Variants in PLCB1 observed in about 807,000 individuals in gnomAD.
The protein encoded by PLCB1 is 1-phosphatidylinositol 4,5-bisphosphate phosphodiesterase beta-1.
A neutral mutation model predicts 161.8 loss-of-function variants in PLCB1; 46 were observed. The observed-to-expected ratio is 0.28, with a 90% CI of 0.22 to 0.36. PLCB1 has a LOEUF of 0.36. Among genes scored for constraint, PLCB1 ranks in the 10% least tolerant of loss-of-function variants. The pLI is 1.00. For synonymous variants in PLCB1, 517 were observed against 503.7 expected, an observed-to-expected ratio of 1.03 and a Z score of -0.35; for missense variants, 1,016 against 1,472.5, an observed-to-expected ratio of 0.69 and a Z score of 5.07.
At chr20:8,292,649 A>T (rs1289821504) in intron 2 of PLCB1, among the ~76,000 whole-genome samples, 4 of 152,130 alleles carry the variant, frequency 2.6e-5, no homozygotes, top group African/African-American at 4.8e-5. Flanking sequence ...AAATTTAAAG[A>T]ATCGGTTATG....
At chr20:8,163,380 C>T (rs972866628) in intron 2 of PLCB1, among the ~76,000 whole-genome samples, 2 of 152,128 alleles carry the variant, frequency 1.3e-5, no homozygotes, top group Non-Finnish European at 2.9e-5. Context: ...GCTTCCAGGC[C>T]AGTGGGCCCT....
chr20:8,355,699 C>T (rs75889261), intron 2 of PLCB1, among the ~76,000 whole-genome samples: 2 of 152,206 alleles, frequency 1.3e-5, no homozygotes, highest in African/African-American at 4.8e-5. Context: ...TGTGCGAGCC[C>T]AGTATTGCTG....
At chr20:8,216,465 T>C (rs568189081) in intron 2 of PLCB1, among the ~76,000 whole-genome samples, 1 of 152,264 alleles carries the variant, frequency 6.6e-6, no homozygotes, top group East Asian at 1.9e-4. Context: ...ATGTGTTGTG[T>C]TCTGTTTTGG....
chr20:8,680,017 A>G (rs1044558084), intron 9 of PLCB1, among the ~76,000 whole-genome samples: 9 of 152,194 alleles, frequency 5.9e-5, no homozygotes, highest in Non-Finnish European at 1.2e-4. Flanking sequence ...TACTCATCCT[A>G]TAATTAAGGA....
chr20:8,737,253 AAAT>A, intron 20 of PLCB1, 61 bp downstream of exon 20: 1 of 1,245,952 alleles, frequency 8.0e-7, no homozygotes, highest in Non-Finnish European at 1.1e-6. Context: ...TACACTGAGA[AAAT>A]AATGAAATGG....
At chr20:8,607,877 T>G (rs1247728781) in intron 3 of PLCB1, among the ~76,000 whole-genome samples, 1 of 152,210 alleles carries the variant, frequency 6.6e-6, no homozygotes, top group Non-Finnish European at 1.5e-5. Context: ...ATTAGAATTT[T>G]TAAAAGTTAG....
At chr20:8,177,410 C>T (rs1048552676) in intron 2 of PLCB1, among the ~76,000 whole-genome samples, 3 of 152,194 alleles carry the variant, frequency 2.0e-5, no homozygotes, top group South Asian at 2.1e-4. Context: ...AGTCTAAGTA[C>T]GGCATTTTGT....
At chr20:8,729,726 C>A (rs1165607197) in intron 18 of PLCB1, 1 of 151,908 alleles carries the variant, frequency 6.6e-6, no homozygotes, top group East Asian at 1.9e-4. Context: ...AAACTTATTT[C>A]TATTCCCTAA....
At chr20:8,282,118 T>A (rs1025509528) in intron 2 of PLCB1, among the ~76,000 whole-genome samples, 2 of 152,208 alleles carry the variant, frequency 1.3e-5, no homozygotes, top group Non-Finnish European at 2.9e-5. Context: ...AGTATTACCA[T>A]GTACTATATG....
intron 2 of PLCB1, among the ~76,000 whole-genome samples, chr20:8,336,775 A>G (rs760449034): frequency 1.3e-5 from 2 of 152,284 alleles, no homozygotes; most frequent in Admixed American, 6.5e-5. Context: ...ATTATTTTCT[A>G]TGGAAAAGAA....
intron 31 of PLCB1, among the ~76,000 whole-genome samples, chr20:8,866,880 A>C (rs1296344047): frequency 1.3e-5 from 2 of 152,314 alleles, no homozygotes; most frequent in East Asian, 3.9e-4. Context: ...AAACCACAGC[A>C]ATTTAAGCAG....
At chr20:8,849,278 C>T (rs1026836029) in intron 31 of PLCB1, among the ~76,000 whole-genome samples, 1 of 152,188 alleles carries the variant, frequency 6.6e-6, no homozygotes, top group South Asian at 2.1e-4. Flanking sequence ...TAATCATCCA[C>T]AATATCTATG....
intron 31 of PLCB1, among the ~76,000 whole-genome samples, chr20:8,854,420 C>A (rs1271717326): frequency 4.6e-5 from 7 of 152,158 alleles, no homozygotes; most frequent in African/African-American, 1.4e-4. Context: ...ATGGTGTTTA[C>A]TAAAATCAAG....
At chr20:8,270,388 A>G (rs1454998710) in intron 2 of PLCB1, among the ~76,000 whole-genome samples, 1 of 152,142 alleles carries the variant, frequency 6.6e-6, no homozygotes, top group African/African-American at 2.4e-5. Context: ...AAGGGAAAGG[A>G]AAAGAGTTAG....
chr20:8,145,763 G>C (rs1037172110), intron 1 of PLCB1, among the ~76,000 whole-genome samples: 1 of 152,140 alleles, frequency 6.6e-6, no homozygotes, highest in African/African-American at 2.4e-5. Flanking sequence ...TGTTCTAGTA[G>C]CCTCATTAAA....
At chr20:8,492,658 C>T (rs896691518) in intron 3 of PLCB1, among the ~76,000 whole-genome samples, 1 of 151,994 alleles carries the variant, frequency 6.6e-6, no homozygotes, top group Non-Finnish European at 1.5e-5. Context: ...TGATGCCTTT[C>T]TTCTGTGCCT....
Position 8,434,679 on chromosome 20 carries a change from A to G in PLCB1, c.246+63229A>G, listed in dbSNP as rs544915112. Among the ~76,000 whole-genome samples the G allele has an allele frequency of 3.3e-5, 5 of 152,328 alleles. No individual in the cohort carries two copies. In the East Asian group the frequency reaches 7.7e-4, roughly 24 times the overall value. ...GAAATAGGAGTTAACACTGAAGTCT[A>G]GAGAGGTTATGCAATTTGCTTATGG... On this transcript the variant is annotated intron_variant, in intron 3 of 31. Coordinates refer to ENST00000338037, the MANE Select transcript of PLCB1 (RefSeq NM_015192.4).
chr20:8,575,689 T>C (rs1036853893), intron 3 of PLCB1, among the ~76,000 whole-genome samples: 2 of 152,220 alleles, frequency 1.3e-5, no homozygotes, highest in Non-Finnish European at 2.9e-5. Flanking sequence ...ATTGATCTGA[T>C]TTGTTTGCAC....
intron 27 of PLCB1, among the ~76,000 whole-genome samples, chr20:8,777,721 A>G (rs1412478316): frequency 6.8e-6 from 1 of 147,992 alleles, no homozygotes; most frequent in Middle Eastern, 3.3e-3. Flanking sequence ...TCCATCTCAA[A>G]AAAAAAAAAA....
Sources: gnomAD v4.1 joint callset for allele counts (sites outside exome capture counted in the v4.1 genomes callset) on GRCh38, gnomAD v4.1.1 for gene constraint, MANE v1.5 for transcripts, NCBI Gene and HGNC (gene_info 2026-07-23, HGNC 2026-07-21) for gene names.